COLGALT2: variants seen among roughly 807,000 people sequenced by gnomAD.
COLGALT2 encodes the protein collagen beta(1-O)galactosyltransferase 2.
A neutral mutation model predicts 73.4 loss-of-function variants in COLGALT2; 49 were observed. The observed-to-expected ratio is 0.67, with a 90% CI of 0.53 to 0.85. The LOEUF (loss-of-function observed/expected upper bound fraction) is 0.85, where lower values mean the gene tolerates loss of function less well. Ranked by LOEUF, COLGALT2 falls within the 40% of genes least tolerant of loss-of-function variation. The probability of loss-of-function intolerance (pLI) is 0.00; values close to 1 mark genes in which losing one functional copy is unlikely to be tolerated. For synonymous variants in COLGALT2, 295 were observed against 307.6 expected, an observed-to-expected ratio of 0.96 and a Z score of 0.43; for missense variants, 722 against 790.2, an observed-to-expected ratio of 0.91 and a Z score of 1.03.
chr1:183,962,162 T>C (rs868755856), intron 6 of COLGALT2, among the ~76,000 whole-genome samples: 1 of 126,780 alleles, frequency 7.9e-6, no homozygotes, highest in Non-Finnish European at 1.7e-5. Flanking sequence ...TTCTTTTTTT[T>C]TTTTTTTTTT....
rs149998234 is a variant in COLGALT2, at chr1:183,939,345, C to T, written c.1605-308G>A. Among the ~76,000 whole-genome samples the T allele has an allele frequency of 1.8e-3, 274 of 152,272 alleles. 2 individuals carry two copies. In the Middle Eastern group the frequency reaches 0.024, roughly 13 times the overall value. ...GTTAGACCATAATGATAAATAAATA[C>T]GATCACTTCACCAAAAATGCCCTGC... On this transcript the variant is annotated intron_variant, in intron 11 of 11. Transcript: ENST00000361927.
At chr1:184,027,369 T>C (rs933243422) in intron 1 of COLGALT2, among the ~76,000 whole-genome samples, 3 of 152,346 alleles carry the variant, frequency 2.0e-5, no homozygotes, top group Non-Finnish European at 4.4e-5. Flanking sequence ...ATCACTTATG[T>C]ACATGCTTAA....
chr1:183,987,385 G>A (rs1458778986), intron 1 of COLGALT2, among the ~76,000 whole-genome samples: 2 of 152,090 alleles, frequency 1.3e-5, no homozygotes, highest in Non-Finnish European at 2.9e-5. Flanking sequence ...TGTAGCACTG[G>A]TACTAAAGAG....
In COLGALT2 at chr1:183,975,214, C is replaced by A; in HGVS notation, c.375G>T (p.Glu125Asp). 1 of 1,599,190 alleles carries A rather than the reference C, an allele frequency of 6.3e-7. No individual in the cohort carries two copies. The highest frequency in any genetic ancestry group is 1.3e-5 in the African/African-American group (1 of 74,690). Reference protein sequence around the residue: ...YVEWRPMDEPESYPDEIGPKH... With the variant: ...YVEWRPMDEPDSYPDEIGPKH... ...TTGGTCCAATTTCATCAGGGTAAGA[C>A]CTAAAATAATAATAATAGCTCATCA... The change falls in exon 3 of 12, where the codon GAG becomes GAT. Residue 125 changes from glutamate to aspartate, a missense_variant and splice_region_variant. Physicochemically the swap from Glu to Asp is conservative, Grantham distance 45. Transcript: ENST00000361927.
intron 1 of COLGALT2, among the ~76,000 whole-genome samples, chr1:183,982,636 A>C (rs1387198829): frequency 6.6e-6 from 1 of 152,206 alleles, no homozygotes; most frequent in Non-Finnish European, 1.5e-5. Context: ...TAAACGGCAT[A>C]AGAGAATTTG....
chr1:183,981,173 T>C (rs1387760407), intron 1 of COLGALT2, among the ~76,000 whole-genome samples: 1 of 152,058 alleles, frequency 6.6e-6, no homozygotes, highest in Non-Finnish European at 1.5e-5. Context: ...GGAACAAACC[T>C]GCACATATAC....
chr1:183,941,589 G>T (rs906793954), intron 10 of COLGALT2, among the ~76,000 whole-genome samples: 1 of 152,200 alleles, frequency 6.6e-6, no homozygotes, highest in African/African-American at 2.4e-5. Flanking sequence ...CTTCTTGCCT[G>T]CCAGGTAAAG....
intron 1 of COLGALT2, among the ~76,000 whole-genome samples, chr1:183,991,010 A>C (rs1671615132): frequency 6.6e-6 from 1 of 152,240 alleles, no homozygotes; most frequent in African/African-American, 2.4e-5. Flanking sequence ...CCTCAGAGGA[A>C]ATGTTCAAAA....
chr1:183,957,680 A>G (rs1030545273), intron 6 of COLGALT2, among the ~76,000 whole-genome samples: 1 of 151,782 alleles, frequency 6.6e-6, no homozygotes, highest in Non-Finnish European at 1.5e-5. Context: ...TCTGTTCTCA[A>G]CTGTAACAGT....
intron 1 of COLGALT2, among the ~76,000 whole-genome samples, chr1:184,015,750 T>C (rs922400583): frequency 1.2e-4 from 18 of 152,192 alleles, no homozygotes; most frequent in Admixed American, 1.2e-3. Context: ...GAGGTGATGC[T>C]TTAGTGCCAG....
At chr1:183,994,700 C>T (rs945669789) in intron 1 of COLGALT2, among the ~76,000 whole-genome samples, 4 of 152,198 alleles carry the variant, frequency 2.6e-5, no homozygotes, top group Non-Finnish European at 5.9e-5. Context: ...GGTAATCCGC[C>T]CGCCTTGGCC....
chr1:183,963,913 T>A lies in COLGALT2; in HGVS notation c.940A>T (p.Ile314Phe). The A allele has an allele frequency of 6.2e-7, 1 of 1,607,132 alleles. No homozygotes were observed. Reference protein sequence around the residue: ...EDIENLIHVQIEAMIDRPPME... With the variant: ...EDIENLIHVQFEAMIDRPPME... ...CTGGGTCACTCACTCATTGCTTCAA[T>A]CTGCACATGGATGAGGTTCTCGATG... The change falls in exon 6 of 12, where the codon ATT becomes TTT. Residue 314 changes from isoleucine to phenylalanine, a missense_variant. Physicochemically the swap from Ile to Phe is conservative, Grantham distance 21 (BLOSUM62 0). Coordinates refer to ENST00000361927, the MANE Select transcript of COLGALT2 (RefSeq NM_015101.4).
Position 183,936,755 on chromosome 1 carries a change from G to A in COLGALT2, c.*2006C>T, listed in dbSNP as rs1382294178. 2.4e-6 allele frequency: 3 copies of A among 1,230,968 alleles called. No individual in the cohort carries two copies. The highest frequency in any genetic ancestry group is 3.0e-6 in the Non-Finnish European group (3 of 987,902). 76.3% of individuals were successfully genotyped at this position (1,230,968 alleles called of 1,614,324 possible). On this transcript the variant is annotated 3_prime_UTR_variant, in exon 12 of 12. Transcript: ENST00000361927. The stretch of plus-strand genomic sequence containing the variant: ...CTTTCTGTTTTTCTGGGGGTGGGTG[G>A]GAAAGGAAGTCACACTGACAGCTAA...
chr1:183,958,162 G>A (rs1323009849), intron 6 of COLGALT2, among the ~76,000 whole-genome samples: 1 of 152,128 alleles, frequency 6.6e-6, no homozygotes, highest in Non-Finnish European at 1.5e-5. Context: ...TGGGCACAGT[G>A]CTTTTAATAA....
At chr1:183,954,045 C>T (rs369799873) in intron 7 of COLGALT2, among the ~76,000 whole-genome samples, 2 of 152,170 alleles carry the variant, frequency 1.3e-5, no homozygotes, top group East Asian at 3.8e-4. Context: ...TCTAGACCAC[C>T]AAGCTCCTTC....
chr1:184,029,640 A>C (rs1649446617), intron 1 of COLGALT2, among the ~76,000 whole-genome samples: 1 of 152,230 alleles, frequency 6.6e-6, no homozygotes, highest in Non-Finnish European at 1.5e-5. Flanking sequence ...TGTCTGTGAA[A>C]AGTTACCAAG....
chr1:184,014,254 T>C lies in COLGALT2; in HGVS notation c.263+22841A>G, dbSNP rs567921050. Among the ~76,000 whole-genome samples, 37 of 152,094 alleles carry C rather than the reference T, an allele frequency of 2.4e-4. No homozygotes were observed. In the South Asian group the frequency reaches 5.4e-3, roughly 22 times the overall value. ...CTTTTAAGAAACATGTATTGAGAAATGAGTAAGCCAAAGGGAAGACAGCAA... is the reference window on the plus strand; with the variant it reads ...CTTTTAAGAAACATGTATTGAGAAACGAGTAAGCCAAAGGGAAGACAGCAA... On this transcript the variant is annotated intron_variant, in intron 1 of 11. Transcript: ENST00000361927.
At chr1:184,002,922 T>A (rs985250148) in intron 1 of COLGALT2, among the ~76,000 whole-genome samples, 3 of 151,668 alleles carry the variant, frequency 2.0e-5, no homozygotes, top group Admixed American at 6.6e-5. Context: ...AATAAAAATA[T>A]CAAAAGACTG....
At chr1:183,974,221 A>G (rs1671129964) in intron 3 of COLGALT2, among the ~76,000 whole-genome samples, 1 of 152,208 alleles carries the variant, frequency 6.6e-6, no homozygotes. Flanking sequence ...GTTTAAGTAC[A>G]TTATATCAAC....
Sources: gnomAD v4.1 joint callset for allele counts (sites outside exome capture counted in the v4.1 genomes callset) on GRCh38, gnomAD v4.1.1 for gene constraint, MANE v1.5 for transcripts, NCBI Gene and HGNC (gene_info 2026-07-23, HGNC 2026-07-21) for gene names.